CEP164: variants seen among roughly 807,000 people sequenced by gnomAD.
CEP164 encodes centrosomal protein of 164 kDa.
CEP164 carries 162 observed loss-of-function variants against 182.7 expected under a neutral mutation model. The observed-to-expected ratio is 0.89, with a 90% CI of 0.78 to 1.01. CEP164 has a LOEUF of 1.01. Among genes scored for constraint, CEP164 ranks in the 50% least tolerant of loss-of-function variants. The probability of loss-of-function intolerance (pLI) is 0.00; values close to 1 mark genes in which losing one functional copy is unlikely to be tolerated. For missense variants in CEP164, 1,735 were observed against 1,790.4 expected (o/e 0.97, Z 0.56); for synonymous variants, 661 against 690.0 (o/e 0.96, Z 0.66).
At chr11:117,370,445 G>A (rs1160420597) in intron 8 of CEP164, among the ~76,000 whole-genome samples, 1 of 152,220 alleles carries the variant, frequency 6.6e-6, no homozygotes, top group African/African-American at 2.4e-5. Flanking sequence ...CAATGGGGCT[G>A]GAGCAAGACA....
intron 5 of CEP164, among the ~76,000 whole-genome samples, chr11:117,354,766 T>TTTTATTTATTTA (rs147463962): frequency 1.3e-5 from 2 of 149,248 alleles, no homozygotes; most frequent in East Asian, 3.9e-4. Context: ...TTGCTATTGA[T>TTTTATTTATTTA]TTTATTTATT....
At chr11:117,408,485 G>C (rs2046964546) in intron 28 of CEP164, 2 of 246,636 alleles carry the variant, frequency 8.1e-6, no homozygotes, top group South Asian at 6.4e-5. Context: ...AGGGTGGTGG[G>C]GGTCTGTGTG....
At chr11:117,351,226 T>A (rs1197672179) in intron 4 of CEP164, among the ~76,000 whole-genome samples, 1 of 152,130 alleles carries the variant, frequency 6.6e-6, no homozygotes, top group African/African-American at 2.4e-5. Context: ...AGACAGGGTT[T>A]CTCCATGTTG....
chr11:117,362,643 C>T (rs913530951), intron 7 of CEP164, 105 bp downstream of exon 7: 6 of 1,301,646 alleles, frequency 4.6e-6, no homozygotes, highest in African/African-American at 1.5e-5. Flanking sequence ...ATAAAATTTG[C>T]CCTTTTAACC....
At chr11:117,346,552 C>T (rs1008980161) in intron 4 of CEP164, among the ~76,000 whole-genome samples, 5 of 151,512 alleles carry the variant, frequency 3.3e-5, no homozygotes, top group East Asian at 2.0e-4. Context: ...CCACCACGCC[C>T]GGCCTATTTT....
chr11:117,380,713 A>AG lies in CEP164; in HGVS notation c.1409+10dup, dbSNP rs780867144. 5.0e-6 allele frequency: 8 copies of AG among 1,596,392 alleles called. No homozygotes were observed. Among genetic ancestry groups the AG allele is most frequent in the Non-Finnish European group, 6.8e-6 (8 of 1,171,648 alleles). ...CAAAGGCCTGGAGGAGAGGTACCAT[A>AG]GGTGGGAGGCTATCCCCAGCGCTGT... On this transcript the variant is annotated intron_variant, in intron 12 of 32. Coordinates refer to ENST00000278935, the MANE Select transcript of CEP164 (RefSeq NM_014956.5).
At chr11:117,376,164 C>G (rs1458387048) in intron 11 of CEP164, among the ~76,000 whole-genome samples, 1 of 152,206 alleles carries the variant, frequency 6.6e-6, no homozygotes, top group Non-Finnish European at 1.5e-5. Flanking sequence ...ATCTGCTGCT[C>G]GCTATTGCTG....
At chr11:117,407,888 G>A in intron 27 of CEP164, 37 bp from the exon 28 acceptor site, 1 of 1,484,692 alleles carries the variant, frequency 6.7e-7, no homozygotes, top group Non-Finnish European at 9.2e-7. Context: ...CGTCTGTGTG[G>A]GTAGTCATTT....
chr11:117,352,013 A>C (rs1592099338), intron 5 of CEP164, 25 bp downstream of exon 5: 2 of 1,548,060 alleles, frequency 1.3e-6, no homozygotes, highest in Non-Finnish European at 1.7e-6. Flanking sequence ...GCCTCCTCCC[A>C]GAGAGGCCAG....
chr11:117,390,285 C>T (rs149912842), intron 15 of CEP164, among the ~76,000 whole-genome samples: 520 of 152,128 alleles, frequency 3.4e-3, no homozygotes, highest in African/African-American at 0.01. Flanking sequence ...ATGGTCCCTT[C>T]GTAATCCTGG....
Position 117,371,300 on chromosome 11 carries a change from C to CCCCCAAGGCAGA in CEP164, c.990_1001dup (p.Lys331_Pro334dup). On this transcript the variant is annotated inframe_insertion, in exon 9 of 33. Coordinates refer to ENST00000278935, the MANE Select transcript of CEP164 (RefSeq NM_014956.5). ...CCTAAGATTTGCAGGAATCTGGTGA[C>CCCCCAAGGCAGA]CCCCAAGGCAGACCCTACAGGCAGT... 1.9e-6 allele frequency: 3 copies of CCCCCAAGGCAGA among 1,614,164 alleles called. No individual in the cohort carries two copies. Among genetic ancestry groups the CCCCCAAGGCAGA allele is most frequent in the Non-Finnish European group, 2.5e-6 (3 of 1,180,016 alleles).
chr11:117,373,237 C>T (rs12788804), intron 9 of CEP164, among the ~76,000 whole-genome samples: 2 of 151,904 alleles, frequency 1.3e-5, no homozygotes, highest in South Asian at 2.1e-4. Context: ...CATGGTGATG[C>T]GCACCTGTAA....
At chr11:117,389,938 C>CT (rs34794541) in intron 15 of CEP164, among the ~76,000 whole-genome samples, 1,047 of 94,628 alleles carry the variant, frequency 0.011, 32 homozygotes, top group Admixed American at 0.063. Context: ...CAGTAGTTTG[C>CT]TTTTTTTTTT....
At chr11:117,356,439 C>T in intron 5 of CEP164, 1 of 1,254,148 alleles carries the variant, frequency 8.0e-7, no homozygotes. Flanking sequence ...AGGTTTCTGT[C>T]ATGGGAGCCA....
At chr11:117,372,739 A>C (rs1487825137) in intron 9 of CEP164, among the ~76,000 whole-genome samples, 1 of 152,014 alleles carries the variant, frequency 6.6e-6, no homozygotes, top group Non-Finnish European at 1.5e-5. Flanking sequence ...TCTTGACATC[A>C]GTTTGGGGGC....
chr11:117,363,804 C>T (rs1690538646), intron 8 of CEP164, among the ~76,000 whole-genome samples: 1 of 125,934 alleles, frequency 7.9e-6, no homozygotes. Flanking sequence ...CAGAGCCTCA[C>T]TCTTTTGCCC....
rs950631722 is a variant in CEP164, at chr11:117,408,972, G to A, written c.3692G>A (p.Ser1231Asn). 6.2e-7 allele frequency: 1 copy of A among 1,614,056 alleles called. No individual in the cohort carries two copies. Among genetic ancestry groups the A allele is most frequent in the African/African-American group, 1.3e-5 (1 of 74,924 alleles). The change falls in exon 29 of 33, where the codon AGT becomes AAT. Residue 1231 changes from serine (S) to asparagine (N), a missense_variant. Coordinates refer to ENST00000278935, the MANE Select transcript of CEP164 (RefSeq NM_014956.5). ...FDLSDMDSLS[S>N]ESSESFSPPH... ...CTCAGTGACATGGACAGCCTGAGCAGTGAAAGTTCTGAATCTTTTTCCCCG... is the reference window on the plus strand; with the variant it reads ...CTCAGTGACATGGACAGCCTGAGCAATGAAAGTTCTGAATCTTTTTCCCCG...
At chr11:117,339,718 A>G (rs2037811027) in intron 3 of CEP164, among the ~76,000 whole-genome samples, 1 of 151,696 alleles carries the variant, frequency 6.6e-6, no homozygotes, top group Admixed American at 6.6e-5. Context: ...TTTTTAGTAG[A>G]GAAGGGGTTT....
chr11:117,393,953 A>T (rs1030920586), intron 20 of CEP164, among the ~76,000 whole-genome samples: 4 of 152,210 alleles, frequency 2.6e-5, no homozygotes, highest in Non-Finnish European at 4.4e-5. Context: ...TCTTTCTAGG[A>T]TCTTTCCCAG....
Sources: allele counts gnomAD v4.1 joint callset (sites outside exome capture counted in the v4.1 genomes callset), GRCh38; gene constraint gnomAD v4.1.1; transcripts MANE v1.5; gene names NCBI Gene and HGNC (gene_info 2026-07-23, HGNC 2026-07-21).